Variants in LTBP2 observed in about 807,000 individuals in gnomAD.
LTBP2 encodes latent transforming growth factor beta binding protein 2.
In LTBP2, 103 loss-of-function variants were observed where a neutral mutation model predicts 210.6. The observed-to-expected ratio is 0.49, with a 90% CI of 0.42 to 0.58. The LOEUF is 0.58. LTBP2 is among the 20% of genes least tolerant of loss of function. The probability of loss-of-function intolerance (pLI) is 0.00; values close to 1 mark genes in which losing one functional copy is unlikely to be tolerated. For synonymous variants in LTBP2, 1,007 were observed against 1,015.0 expected (o/e 0.99, Z 0.15); for missense variants, 2,313 against 2,494.5 (o/e 0.93, Z 1.55).
Position 74,517,077 on chromosome 14 carries a change from G to A in LTBP2, c.2789-136C>T, listed in dbSNP as rs992790377. On this transcript the variant is annotated intron_variant, in intron 17 of 35. Coordinates refer to ENST00000261978, the MANE Select transcript of LTBP2 (RefSeq NM_000428.3). The stretch of plus-strand genomic sequence containing the variant: ...AGGCCTGGGCAGGGAAGGCATGCTG[G>A]CTGCAGCCACAATTGCCTGGAGGGG... 37 of 1,158,548 alleles carry A rather than the reference G, an allele frequency of 3.2e-5. No homozygotes were observed. The African/African-American group carries it at 5.6e-4, about 18-fold the overall frequency. The allele number at this position is 1,158,548 out of a possible 1,614,324, so 71.8% of individuals were successfully genotyped here.
intron 15 of LTBP2, 146 bp from the exon 16 acceptor site, chr14:74,523,064 A>G (rs1304144794): frequency 1.0e-6 from 1 of 991,858 alleles, no homozygotes; most frequent in Non-Finnish European, 1.5e-6. Flanking sequence ...ACCCATGCAC[A>G]GCTTGGCCTT....
At chr14:74,605,457 G>A (rs2088511520) in intron 1 of LTBP2, among the ~76,000 whole-genome samples, 1 of 152,206 alleles carries the variant, frequency 6.6e-6, no homozygotes, top group African/African-American at 2.4e-5. Context: ...CATGTCACGG[G>A]GGTCAGGGAA....
chr14:74,590,783 AGC>A (rs2088271901), intron 2 of LTBP2, among the ~76,000 whole-genome samples: 1 of 634 alleles, frequency 1.6e-3, no homozygotes, highest in African/African-American at 6.1e-3. Flanking sequence ...GAGCTAAGCT[AGC>A]TAAGCTATGG....
In LTBP2 at chr14:74,585,938, C is replaced by G; in HGVS notation, c.746G>C (p.Ser249Thr). 6.2e-7 allele frequency: 1 copy of G among 1,613,912 alleles called. No individual in the cohort carries two copies. Among genetic ancestry groups the G allele is most frequent in the Non-Finnish European group, 8.5e-7 (1 of 1,179,922 alleles). ...WAERSPNLRR[S>T]SAAGEGTLAR... ...CAAGGTGCCCTCTCCAGCCGCACTGCTCCTGCGCAGGTTGGGTGAACGCTC... is the reference window on the plus strand; with the variant it reads ...CAAGGTGCCCTCTCCAGCCGCACTGGTCCTGCGCAGGTTGGGTGAACGCTC... Residue 249 changes from serine to threonine, a missense_variant, in exon 3 of 36, where the codon AGC becomes ACC. By Grantham distance (58) the Ser-to-Thr change is moderately conservative. Coordinates refer to ENST00000261978, the MANE Select transcript of LTBP2 (RefSeq NM_000428.3).
At position 74,611,623 on chromosome 14, in the gene LTBP2, G is replaced by C. The variant is rs759198507; in HGVS notation, c.322C>G (p.Arg108Gly). 3.2e-5 allele frequency: 50 copies of C among 1,560,004 alleles called. No individual in the cohort carries two copies. The highest frequency in any genetic ancestry group is 4.1e-5 in the Non-Finnish European group (48 of 1,158,714). ...PTEAEARRPS[R>G]AQQSRRVQPP... Reference sequence around the variant, plus strand: ...TGGACACGCCGCGACTGCTGCGCGCGGGACGGCCTCCTGGCCTCCGCCTCG... The same window carrying C: ...TGGACACGCCGCGACTGCTGCGCGCCGGACGGCCTCCTGGCCTCCGCCTCG... Residue 108 changes from arginine (R) to glycine (G), a missense_variant, in exon 1 of 36, where the codon CGC (arginine) becomes GGC (glycine). Coordinates refer to ENST00000261978, the MANE Select transcript of LTBP2 (RefSeq NM_000428.3).
At chr14:74,605,122 C>A (rs578013755) in intron 1 of LTBP2, among the ~76,000 whole-genome samples, 1 of 152,300 alleles carries the variant, frequency 6.6e-6, no homozygotes, top group Non-Finnish European at 1.5e-5. Flanking sequence ...AGAGGCTGGA[C>A]AGGCAAAGGA....
Position 74,562,973 on chromosome 14 carries a change from G to A in LTBP2, c.831-7280C>T, listed in dbSNP as rs532161450. On this transcript the variant is annotated intron_variant, in intron 3 of 35. Transcript: ENST00000261978. Reference sequence around the variant, plus strand: ...GCTGCCCTGCCCTGGTCCCCTTTCTGGCTTGTGTATCTGCAAGTGTAGCAG... The same window carrying A: ...GCTGCCCTGCCCTGGTCCCCTTTCTAGCTTGTGTATCTGCAAGTGTAGCAG... Among the ~76,000 whole-genome samples the A allele has an allele frequency of 3.2e-4, 49 of 152,258 alleles. No homozygotes were observed. The South Asian group carries it at 0.01, about 32-fold the overall frequency.
chr14:74,595,566 A>G (rs577162289), intron 2 of LTBP2, among the ~76,000 whole-genome samples: 281 of 152,288 alleles, frequency 1.8e-3, no homozygotes, highest in Admixed American at 3.5e-3. Flanking sequence ...TCTAGGCTGG[A>G]GTGGAGCCAG....
chr14:74,591,078 C>A (rs2088277804), intron 2 of LTBP2, among the ~76,000 whole-genome samples: 1 of 152,148 alleles, frequency 6.6e-6, no homozygotes, highest in African/African-American at 2.4e-5. Context: ...TACGGCACAC[C>A]ACGACTCACT....
chr14:74,536,100 G>T, intron 8 of LTBP2, 100 bp from the exon 9 acceptor site: 2 of 1,006,174 alleles, frequency 2.0e-6, no homozygotes, highest in Non-Finnish European at 1.6e-6. Flanking sequence ...CAGCCCACCC[G>T]GCAGCAGTGA....
chr14:74,585,980 G>A lies in LTBP2; in HGVS notation c.704C>T (p.Ala235Val). The A allele has an allele frequency of 3.7e-6, 6 of 1,612,732 alleles. No individual in the cohort carries two copies. In the Middle Eastern group the frequency reaches 6.6e-4, roughly 177 times the overall value. Reference protein sequence around the residue: ...EEFDPQNSRLAPRRWAERSPN... With the variant: ...EEFDPQNSRLVPRRWAERSPN... ...TGAACGCTCGGCCCAGCGTCGAGGTGCCAGCCTGGAGTTCTGGGGGTCAAA... is the reference window on the plus strand; with the variant it reads ...TGAACGCTCGGCCCAGCGTCGAGGTACCAGCCTGGAGTTCTGGGGGTCAAA... The change falls in exon 3 of 36, where the codon GCA becomes GTA. Residue 235 changes from alanine to valine, a missense_variant. Ala to Val is a moderately conservative substitution (Grantham distance 64). Coordinates refer to ENST00000261978, the MANE Select transcript of LTBP2 (RefSeq NM_000428.3).
At chr14:74,548,678 T>C (rs755199670) in intron 8 of LTBP2, among the ~76,000 whole-genome samples, 3 of 152,198 alleles carry the variant, frequency 2.0e-5, no homozygotes, top group Non-Finnish European at 2.9e-5. Context: ...CTCGCTTTCT[T>C]GAGGGATACT....
chr14:74,528,411 C>T (rs771970884), intron 12 of LTBP2, 72 bp downstream of exon 12: 1 of 1,548,134 alleles, frequency 6.5e-7, no homozygotes, highest in Non-Finnish European at 8.9e-7. Context: ...GGATTAACAC[C>T]CACACTTCTC....
chr14:74,555,354 G>T, intron 4 of LTBP2, 149 bp downstream of exon 4: 2 of 844,700 alleles, frequency 2.4e-6, no homozygotes, highest in South Asian at 3.2e-5. Context: ...CACAAAGCAG[G>T]TGCTCAACAA....
At chr14:74,551,794 C>T (rs1259064149) in intron 6 of LTBP2, among the ~76,000 whole-genome samples, 1 of 152,218 alleles carries the variant, frequency 6.6e-6, no homozygotes, top group Non-Finnish European at 1.5e-5. Context: ...TCCCCTGATC[C>T]CCTAAAGCAT....
intron 3 of LTBP2, among the ~76,000 whole-genome samples, chr14:74,558,382 G>A (rs867428992): frequency 6.6e-6 from 1 of 152,146 alleles, no homozygotes. Flanking sequence ...GCAACAGAGT[G>A]AGACTCAATC....
rs558149042 is a variant in LTBP2, at chr14:74,505,107, G to A, written c.4245C>T (p.Ser1415=). Residue 1415 remains serine, a synonymous_variant, in exon 29 of 36, where the codon TCC becomes TCT. Transcript: ENST00000261978. ...APAPTRMDCY[S]GQKGHAPCSS... ...AGCAGGGCGCATGGCCCTTCTGCCCGGAGTAGCAGTCCATGCGGGTGGGGG... is the reference window on the plus strand; with the variant it reads ...AGCAGGGCGCATGGCCCTTCTGCCCAGAGTAGCAGTCCATGCGGGTGGGGG... 5.1e-5 allele frequency: 82 copies of A among 1,613,952 alleles called. No individual in the cohort carries two copies. The Admixed American group carries it at 8.0e-4, about 16-fold the overall frequency.
chr14:74,594,631 G>T (rs867381367), intron 2 of LTBP2, among the ~76,000 whole-genome samples: 50 of 152,256 alleles, frequency 3.3e-4, no homozygotes, highest in African/African-American at 1.1e-3. Flanking sequence ...ATCCAACTTG[G>T]GACCCTCACC....
chr14:74,565,338 G>T (rs925294620), intron 3 of LTBP2, among the ~76,000 whole-genome samples: 3 of 152,160 alleles, frequency 2.0e-5, no homozygotes, highest in African/African-American at 4.8e-5. Flanking sequence ...TGTTGGGATG[G>T]GCATTCTTAA....
Sources: gnomAD v4.1 joint callset for allele counts (sites outside exome capture counted in the v4.1 genomes callset) on GRCh38, gnomAD v4.1.1 for gene constraint, MANE v1.5 for transcripts, NCBI Gene and HGNC (gene_info 2026-07-23, HGNC 2026-07-21) for gene names.